The following ARHGAP15 variants were observed in gnomAD, a reference collection of about 807,000 sequenced individuals.
ARHGAP15 encodes the protein Rho GTPase activating protein 15, also known as rho GTPase-activating protein 15.
In ARHGAP15, 51 loss-of-function variants were observed where a neutral mutation model predicts 63.7. The observed-to-expected ratio is 0.80, with a 90% CI of 0.64 to 1.01. The LOEUF is 1.01. ARHGAP15 is among the 50% of genes least tolerant of loss of function. The pLI is 0.00. For missense variants in ARHGAP15, 560 were observed against 564.6 expected (o/e 0.99, Z 0.08); for synonymous variants, 191 against 193.8 (o/e 0.99, Z 0.12).
At chr2:143,209,038 AT>A (rs1306953816) in intron 3 of ARHGAP15, among the ~76,000 whole-genome samples, 3 of 152,124 alleles carry the variant, frequency 2.0e-5, no homozygotes, top group Non-Finnish European at 4.4e-5. Context: ...GCCAGATATC[AT>A]TTTGTGGATT....
chr2:143,351,285 G>T (rs1685559320), intron 6 of ARHGAP15: 1 of 152,058 alleles, frequency 6.6e-6, no homozygotes, highest in South Asian at 2.1e-4. Flanking sequence ...TATTTTAAAG[G>T]TTCATCATGA....
intron 2 of ARHGAP15, chr2:143,172,302 A>T (rs959683260): frequency 6.6e-6 from 1 of 152,126 alleles, no homozygotes; most frequent in African/African-American, 2.4e-5. Flanking sequence ...ATTAAGAGTG[A>T]GGTGAGAGTA....
chr2:143,224,832 T>C lies in ARHGAP15; in HGVS notation c.297-3749T>C, dbSNP rs140274478. On this transcript the variant is annotated intron_variant, in intron 4 of 13. Coordinates refer to ENST00000295095, the MANE Select transcript of ARHGAP15 (RefSeq NM_018460.4). ...TATTCCCCTGATATGCTAAGAACTA[T>C]GGGCAACACAATGGGTCAGACATGG... Among the ~76,000 whole-genome samples, 590 of 152,256 alleles carry C rather than the reference T, an allele frequency of 3.9e-3. 6 individuals carry two copies. The highest frequency in any genetic ancestry group is 0.013 in the African/African-American group (556 of 41,528).
chr2:143,311,359 G>A (rs1382288198), intron 6 of ARHGAP15, among the ~76,000 whole-genome samples: 1 of 151,244 alleles, frequency 6.6e-6, no homozygotes, highest in Non-Finnish European at 1.5e-5. Flanking sequence ...ATTCTTGTGA[G>A]TTCATGATAT....
At chr2:143,443,745 G>T (rs2105112531) in intron 8 of ARHGAP15, among the ~76,000 whole-genome samples, 1 of 152,228 alleles carries the variant, frequency 6.6e-6, no homozygotes, top group South Asian at 2.1e-4. Flanking sequence ...AGACACATTT[G>T]ATAGTCAAGC....
intron 11 of ARHGAP15, among the ~76,000 whole-genome samples, chr2:143,578,129 G>A (rs1034555062): frequency 2.6e-5 from 4 of 152,088 alleles, no homozygotes; most frequent in Admixed American, 6.6e-5. Context: ...TTCAGGAAAG[G>A]GGTAATCATG....
chr2:143,750,208 G>A (rs558473136), intron 13 of ARHGAP15, among the ~76,000 whole-genome samples: 3 of 152,360 alleles, frequency 2.0e-5, no homozygotes, highest in South Asian at 4.1e-4. Context: ...GGAAGGCCGA[G>A]GTAGGCAGAT....
chr2:143,332,466 A>C (rs1351678230), intron 6 of ARHGAP15, among the ~76,000 whole-genome samples: 1 of 152,158 alleles, frequency 6.6e-6, no homozygotes, highest in Non-Finnish European at 1.5e-5. Context: ...AGGCCTATTC[A>C]CAAATGAAGA....
intron 6 of ARHGAP15, among the ~76,000 whole-genome samples, chr2:143,301,588 A>G (rs1359389098): frequency 3.3e-5 from 5 of 151,948 alleles, no homozygotes; most frequent in African/African-American, 1.2e-4. Flanking sequence ...GATATTTTTA[A>G]GCGTGAAACT....
intron 8 of ARHGAP15, among the ~76,000 whole-genome samples, chr2:143,440,190 C>G (rs1326077642): frequency 6.6e-6 from 1 of 151,994 alleles, no homozygotes; most frequent in African/African-American, 2.4e-5. Flanking sequence ...CAAATTAGAC[C>G]ATGCATTTGA....
At chr2:143,552,013 C>G (rs116844416) in intron 10 of ARHGAP15, among the ~76,000 whole-genome samples, 1 of 152,164 alleles carries the variant, frequency 6.6e-6, no homozygotes, top group Non-Finnish European at 1.5e-5. Flanking sequence ...AAACGTGCAG[C>G]GTTGAGGACA....
chr2:143,368,598 G>A (rs559311125), intron 6 of ARHGAP15, among the ~76,000 whole-genome samples: 3 of 151,956 alleles, frequency 2.0e-5, no homozygotes, highest in Non-Finnish European at 4.4e-5. Flanking sequence ...CACTTAGAGT[G>A]GTAAAATAAT....
intron 11 of ARHGAP15, among the ~76,000 whole-genome samples, chr2:143,606,333 T>C (rs12052670): frequency 0.81 from 122,683 of 152,152 alleles, 49,822 homozygotes; most frequent in East Asian, 0.99. Flanking sequence ...GTGGAGAATA[T>C]GAACTAATAA....
intron 8 of ARHGAP15, among the ~76,000 whole-genome samples, chr2:143,476,087 G>C (rs755404026): frequency 1.3e-5 from 2 of 152,026 alleles, no homozygotes; most frequent in African/African-American, 4.8e-5. Flanking sequence ...AATTACCCTC[G>C]GAATTTAGGA....
chr2:143,471,615 T>C (rs1484517006), intron 8 of ARHGAP15, among the ~76,000 whole-genome samples: 1 of 151,946 alleles, frequency 6.6e-6, no homozygotes, highest in Non-Finnish European at 1.5e-5. Flanking sequence ...GAGGGAATGT[T>C]TGGGGACAGG....
Position 143,632,548 on chromosome 2 carries a change from A to G in ARHGAP15, c.1138+8281A>G, listed in dbSNP as rs552843319. 1.6e-4 allele frequency among the ~76,000 whole-genome samples: 24 copies of G among 152,220 alleles called. No individual in the cohort carries two copies. In the East Asian group the frequency reaches 4.3e-3, roughly 27 times the overall value. ...AGTAAAACAAGTTGTGAGAAATGGC[A>G]TCCATAAGATCAACTGAGCACCATT... On this transcript the variant is annotated intron_variant, in intron 12 of 13. Transcript: ENST00000295095.
intron 12 of ARHGAP15, among the ~76,000 whole-genome samples, chr2:143,663,298 T>A (rs1262033126): frequency 1.3e-5 from 2 of 151,520 alleles, no homozygotes; most frequent in Non-Finnish European, 2.9e-5. Flanking sequence ...ACCCAGAATT[T>A]CATACCCAGC....
intron 6 of ARHGAP15, among the ~76,000 whole-genome samples, chr2:143,422,861 C>A (rs929683329): frequency 1.3e-5 from 2 of 151,946 alleles, no homozygotes; most frequent in Non-Finnish European, 2.9e-5. Flanking sequence ...AATAGGGAAC[C>A]ACAAGCCGGA....
At chr2:143,531,347 A>T (rs1159476793) in intron 10 of ARHGAP15, among the ~76,000 whole-genome samples, 1 of 152,214 alleles carries the variant, frequency 6.6e-6, no homozygotes, top group Non-Finnish European at 1.5e-5. Context: ...ATGGATGCAT[A>T]CATCTGGATA....
Sources: allele counts gnomAD v4.1 joint callset (sites outside exome capture counted in the v4.1 genomes callset), GRCh38; gene constraint gnomAD v4.1.1; transcripts MANE v1.5; gene names NCBI Gene and HGNC (gene_info 2026-07-23, HGNC 2026-07-21).